The following GDF11 variants were observed in gnomAD, a reference collection of about 807,000 sequenced individuals.
GDF11 encodes the protein growth/differentiation factor 11.
A neutral mutation model predicts 34.4 loss-of-function variants in GDF11; 12 were observed. The ratio of observed to expected loss-of-function variants is 0.35; its 90% CI spans 0.22 to 0.57. The LOEUF (loss-of-function observed/expected upper bound fraction) is 0.57, where lower values mean the gene tolerates loss of function less well. Among genes scored for constraint, GDF11 ranks in the 20% least tolerant of loss-of-function variants. GDF11 has a pLI of 0.86. For synonymous variants in GDF11, 212 were observed against 231.1 expected (o/e 0.92, Z 0.75); for missense variants, 346 against 548.2 (o/e 0.63, Z 3.68).
Position 55,748,497 on chromosome 12 carries a change from G to T in GDF11, c.446-89G>T. On this transcript the variant is annotated intron_variant, in intron 1 of 2. Transcript: ENST00000257868. This position sits in a 1 kb window ranked among gnomAD's most constrained non-coding sequence, Gnocchi z 5.6. ...TAAAGAAGAACTGGAAAATCAGGCT[G>T]AGAAGTCCAAAATTGCCAGTGCCAC... 1 of 1,218,420 alleles carries T rather than the reference G, an allele frequency of 8.2e-7. No individual in the cohort carries two copies. Among genetic ancestry groups the T allele is most frequent in the Non-Finnish European group, 1.1e-6 (1 of 870,124 alleles). 75.5% of individuals were successfully genotyped at this position (1,218,420 alleles called of 1,614,324 possible). A position where few individuals can be genotyped will look rare whatever the true frequency, so the allele number is the denominator to read the frequency against.
chr12:55,749,118 T>C lies in GDF11; in HGVS notation c.843+135T>C. On this transcript the variant is annotated intron_variant, in intron 2 of 2. Coordinates refer to ENST00000257868, the MANE Select transcript of GDF11 (RefSeq NM_005811.5). This position sits in a 1 kb window ranked among gnomAD's most constrained non-coding sequence, Gnocchi z 5.6. ...CTTCTCTGGGGTCAGCAGCTGATTC[T>C]AGAGGAGGAGGTGAGGAGTGGGGTG... 1 of 909,520 alleles carries C rather than the reference T, an allele frequency of 1.1e-6. No homozygotes were observed. The highest frequency in any genetic ancestry group is 1.6e-6 in the Non-Finnish European group (1 of 618,838). 56.3% of individuals were successfully genotyped at this position (909,520 alleles called of 1,614,324 possible). A position where few individuals can be genotyped will look rare whatever the true frequency, so the allele number is the denominator to read the frequency against.
rs1301274844 is a variant in GDF11, at chr12:55,752,996, A to T, written c.*3114A>T. ...AATGACTAAGAAGATGGGGTCCTGG[A>T]GCAAGACAGAAAACACTAAGGGCAT... is the stretch of plus-strand genomic sequence containing the variant. On this transcript the variant is annotated 3_prime_UTR_variant, in exon 3 of 3. Coordinates refer to ENST00000257868, the MANE Select transcript of GDF11 (RefSeq NM_005811.5). 2.0e-5 allele frequency: 3 copies of T among 152,232 alleles called. No homozygotes were observed. The highest frequency in any genetic ancestry group is 7.2e-5 in the African/African-American group (3 of 41,434). 9.4% of individuals were successfully genotyped at this position (152,232 alleles called of 1,614,324 possible).
rs1275313700 is a variant in GDF11 at position 55,749,816 on chromosome 12, T to C, written c.1158T>C (p.Asn386=). The C allele has an allele frequency of 5.6e-6, 9 of 1,613,818 alleles. No individual in the cohort carries two copies. In the East Asian group the frequency reaches 1.3e-4, roughly 24 times the overall value. ...CCCCAATCAACATGCTCTACTTCAA[T>C]GACAAGCAGCAGATTATCTACGGCA... The part of the protein sequence containing the change: ...KMSPINMLYF[N]DKQQIIYGKI... Residue 386 remains asparagine (N), a synonymous_variant, in exon 3 of 3, where the codon AAT becomes AAC. Coordinates refer to ENST00000257868, the MANE Select transcript of GDF11 (RefSeq NM_005811.5). This position sits in a 1 kb window ranked among gnomAD's most constrained non-coding sequence, Gnocchi z 5.6.
In GDF11 at chr12:55,748,831, C is replaced by G; in HGVS notation, c.691C>G (p.Arg231Gly). The change falls in exon 2 of 3, where the codon CGC (arginine) becomes GGC (glycine). Residue 231 changes from arginine to glycine, a missense_variant. This residue lies in a region of GDF11 where 205 missense variants were observed against 311.3 expected (regional missense o/e 0.66). Transcript: ENST00000257868. The surrounding 1 kb of genome is among the most constrained non-coding windows in gnomAD (Gnocchi z 5.6). The part of the protein sequence containing the change: ...IRSLKIELHS[R>G]SGHWQSIDFK... ...CTCACTGAAGATTGAGCTGCACTCA[C>G]GCTCAGGCCATTGGCAGAGCATCGA... 1 of 1,614,006 alleles carries G rather than the reference C, an allele frequency of 6.2e-7. No homozygotes were observed. The highest frequency in any genetic ancestry group is 2.2e-5 in the East Asian group (1 of 44,884).
chr12:55,754,794 G>C lies in GDF11; in HGVS notation c.*4912G>C, dbSNP rs563311816. The C allele has an allele frequency of 1.3e-5, 2 of 152,276 alleles. No homozygotes were observed. Among genetic ancestry groups the C allele is most frequent in the South Asian group, 4.1e-4 (2 of 4,822 alleles). The allele number at this position is 152,276 out of a possible 1,614,324, so 9.4% of individuals were successfully genotyped here. ...CAACCTTCACAATGGGGTTCCTTTT[G>C]GTACAGTCTGAAAAGAGAATGATTA... is the stretch of plus-strand genomic sequence containing the variant. On this transcript the variant is annotated 3_prime_UTR_variant, in exon 3 of 3. Transcript: ENST00000257868.
Position 55,749,433 on chromosome 12 carries a change from G to A in GDF11, c.844-69G>A, listed in dbSNP as rs1308720948. The A allele has an allele frequency of 6.7e-7, 1 of 1,486,102 alleles. No homozygotes were observed. Among genetic ancestry groups the A allele is most frequent in the African/African-American group, 1.4e-5 (1 of 71,552 alleles). The allele number at this position is 1,486,102 out of a possible 1,614,324, so 92.1% of individuals were successfully genotyped here. A position where few individuals can be genotyped will look rare whatever the true frequency, so the allele number is the denominator to read the frequency against. ...TCTATTCTGATGCCCCTGGCAGGTG[G>A]GAAAGGAACAGGGAAGAGGAACTGT... On this transcript the variant is annotated intron_variant, in intron 2 of 2. Coordinates refer to ENST00000257868, the MANE Select transcript of GDF11 (RefSeq NM_005811.5). The surrounding 1 kb of genome is among the most constrained non-coding windows in gnomAD (Gnocchi z 5.6).
chr12:55,743,562 G>A lies in GDF11; in HGVS notation c.246G>A (p.Gln82=). The change falls in exon 1 of 3, where the codon CAG becomes CAA. Residue 82 remains glutamine (Q), a synonymous_variant. Coordinates refer to ENST00000257868, the MANE Select transcript of GDF11 (RefSeq NM_005811.5). ...RELRLESIKS[Q]ILSKLRLKEA... ...TGCGCCTAGAGAGCATCAAGTCGCA[G>A]ATCTTGAGCAAACTGCGGCTCAAGG... 6.2e-7 allele frequency: 1 copy of A among 1,604,456 alleles called. No individual in the cohort carries two copies.
At chr12:55,745,610 G>A (rs187599603) in intron 1 of GDF11, among the ~76,000 whole-genome samples, 2 of 151,504 alleles carry the variant, frequency 1.3e-5, no homozygotes, top group Non-Finnish European at 2.9e-5. Flanking sequence ...GGAGAGAGGG[G>A]AAAAGGAAAA....
intron 1 of GDF11, among the ~76,000 whole-genome samples, chr12:55,744,682 TCTC>T (rs1290614469): frequency 1.3e-5 from 2 of 148,174 alleles, no homozygotes; most frequent in East Asian, 2.1e-4. Context: ...GGTGACTCCT[TCTC>T]CTCCCCCACT....
chr12:55,748,305 T>C lies in GDF11; in HGVS notation c.446-281T>C, dbSNP rs1357382989. 6.6e-6 allele frequency among the ~76,000 whole-genome samples: 1 copy of C among 152,162 alleles called. No individual in the cohort carries two copies. Among genetic ancestry groups the C allele is most frequent in the African/African-American group, 2.4e-5 (1 of 41,424 alleles). Reference sequence around the variant, plus strand: ...AAAAGTTGGACAGTAAGGATGGTGGTGGATGAATAATTTTGCAGGTTATCT... The same window carrying C: ...AAAAGTTGGACAGTAAGGATGGTGGCGGATGAATAATTTTGCAGGTTATCT... On this transcript the variant is annotated intron_variant, in intron 1 of 2. Transcript: ENST00000257868. This position sits in a 1 kb window ranked among gnomAD's most constrained non-coding sequence, Gnocchi z 5.6.
At chr12:55,744,642 C>T (rs1295476442) in intron 1 of GDF11, among the ~76,000 whole-genome samples, 1 of 146,744 alleles carries the variant, frequency 6.8e-6, no homozygotes, top group Non-Finnish European at 1.5e-5. Context: ...GAATACTACA[C>T]CCCCCCTTTT....
intron 1 of GDF11, among the ~76,000 whole-genome samples, chr12:55,744,182 T>G (rs553743972): frequency 6.6e-6 from 1 of 152,256 alleles, no homozygotes; most frequent in East Asian, 1.9e-4. Flanking sequence ...CCAGTGGCCC[T>G]GGCGGTAACT....
In GDF11 at chr12:55,752,206, A is replaced by C. The variant is rs906758503; in HGVS notation, c.*2324A>C. 2.6e-5 allele frequency: 4 copies of C among 152,092 alleles called. No individual in the cohort carries two copies. Among genetic ancestry groups the C allele is most frequent in the African/African-American group, 9.7e-5 (4 of 41,388 alleles). The allele number at this position is 152,092 out of a possible 1,614,324, so 9.4% of individuals were successfully genotyped here. A position where few individuals can be genotyped will look rare whatever the true frequency, so the allele number is the denominator to read the frequency against. On this transcript the variant is annotated 3_prime_UTR_variant, in exon 3 of 3. Coordinates refer to ENST00000257868, the MANE Select transcript of GDF11 (RefSeq NM_005811.5). Reference sequence around the variant, plus strand: ...AGGAACAGAGAAGTGAAGAACAGATACCTCCCTCCAAGGTCAAATGCCTCG... The same window carrying C: ...AGGAACAGAGAAGTGAAGAACAGATCCCTCCCTCCAAGGTCAAATGCCTCG...
In GDF11 at chr12:55,755,205, C is replaced by T. The variant is rs945119382; in HGVS notation, c.*5323C>T. On this transcript the variant is annotated 3_prime_UTR_variant, in exon 3 of 3. Transcript: ENST00000257868. ...CCTCCCTCACTCCTCATATCAGACA[C>T]AGCAAGAGAACTCAGCTCAACACCA... is the stretch of plus-strand genomic sequence containing the variant. The T allele has an allele frequency of 6.6e-6, 1 of 151,982 alleles. No homozygotes were observed. Among genetic ancestry groups the T allele is most frequent in the African/African-American group, 2.4e-5 (1 of 41,336 alleles). 9.4% of individuals were successfully genotyped at this position (151,982 alleles called of 1,614,324 possible).
chr12:55,744,660 T>C (rs1878141987), intron 1 of GDF11, among the ~76,000 whole-genome samples: 1 of 146,790 alleles, frequency 6.8e-6, no homozygotes, highest in Admixed American at 6.8e-5. Flanking sequence ...TTTCCAGCTC[T>C]CCTTAGGGTC....
In GDF11 at chr12:55,754,317, A is replaced by G. The variant is rs1878435279; in HGVS notation, c.*4435A>G. ...TTTTACAAGTCTTTTCTTTATCCTA[A>G]AACATCCTCCAACCGAAGGCATGGG... On this transcript the variant is annotated 3_prime_UTR_variant, in exon 3 of 3. Coordinates refer to ENST00000257868, the MANE Select transcript of GDF11 (RefSeq NM_005811.5). 1 of 152,206 alleles carries G rather than the reference A, an allele frequency of 6.6e-6. No individual in the cohort carries two copies. The highest frequency in any genetic ancestry group is 2.1e-4 in the South Asian group (1 of 4,828). The allele number at this position is 152,206 out of a possible 1,614,324, so 9.4% of individuals were successfully genotyped here.
chr12:55,750,962 G>C lies in GDF11; in HGVS notation c.*1080G>C, dbSNP rs1592546387. On this transcript the variant is annotated 3_prime_UTR_variant, in exon 3 of 3. Transcript: ENST00000257868. ...CCAGCCTCTATCTTCAGGTCAATTA[G>C]AGAGAGTATAGAGACCCCAGAGTCC... The C allele has an allele frequency of 6.6e-6, 1 of 152,168 alleles. No individual in the cohort carries two copies. Among genetic ancestry groups the C allele is most frequent in the Non-Finnish European group, 1.5e-5 (1 of 68,062 alleles). 9.4% of individuals were successfully genotyped at this position (152,168 alleles called of 1,614,324 possible).
In GDF11 at chr12:55,743,768, G is replaced by C. The variant is rs758834283; in HGVS notation, c.445+7G>C. 11 of 1,523,696 alleles carry C rather than the reference G, an allele frequency of 7.2e-6. No individual in the cohort carries two copies. The highest frequency in any genetic ancestry group is 9.7e-6 in the Non-Finnish European group (11 of 1,135,354). The allele number at this position is 1,523,696 out of a possible 1,614,324, so 94.4% of individuals were successfully genotyped here. ...ATTAGCATGGCCCAGGAGAGTAAGT[G>C]GGCTGCGGGGCGCGAGCAGTGGGGT... On this transcript the variant is annotated splice_region_variant and intron_variant, in intron 1 of 2. Coordinates refer to ENST00000257868, the MANE Select transcript of GDF11 (RefSeq NM_005811.5).
At position 55,743,560 on chromosome 12, in the gene GDF11, C is replaced by T; in HGVS notation, c.244C>T (p.Gln82Ter). ...RELRLESIKS[Q>*]ILSKLRLKEA... ...GCTGCGCCTAGAGAGCATCAAGTCG[C>T]AGATCTTGAGCAAACTGCGGCTCAA... Residue 82 changes from glutamine (Q) to a stop codon, truncating the protein, a stop_gained, in exon 1 of 3, where the codon CAG becomes TAG. Coordinates refer to ENST00000257868, the MANE Select transcript of GDF11 (RefSeq NM_005811.5). LOFTEE classifies it high-confidence loss of function. The T allele has an allele frequency of 6.2e-7, 1 of 1,604,402 alleles. No individual in the cohort carries two copies. The highest frequency in any genetic ancestry group is 8.5e-7 in the Non-Finnish European group (1 of 1,179,748).
Sources: allele counts gnomAD v4.1 joint callset (sites outside exome capture counted in the v4.1 genomes callset), GRCh38; gene constraint gnomAD v4.1.1; regional missense constraint gnomAD v4.1.1; non-coding constraint Gnocchi (gnomAD v3.1); transcripts MANE v1.5; gene names NCBI Gene and HGNC (gene_info 2026-07-23, HGNC 2026-07-21).